Variants in CADM2 observed in about 807,000 individuals in gnomAD.
The protein encoded by CADM2 is immunoglobulin superfamily member 4D.
In CADM2, 12 loss-of-function variants were observed where a neutral mutation model predicts 49.8. The observed-to-expected ratio is 0.24, with a 90% CI of 0.15 to 0.39. CADM2 has a LOEUF of 0.39. Ranked by LOEUF, CADM2 falls within the 10% of genes least tolerant of loss-of-function variation. The probability of loss-of-function intolerance (pLI) is 1.00; values close to 1 mark genes in which losing one functional copy is unlikely to be tolerated. For missense variants in CADM2, 378 were observed against 492.3 expected (o/e 0.77, Z 2.20); for synonymous variants, 214 against 175.4 (o/e 1.22, Z -1.74).
chr3:85,102,598 A>G (rs1411664462), intron 1 of CADM2, among the ~76,000 whole-genome samples: 3 of 152,182 alleles, frequency 2.0e-5, no homozygotes, highest in African/African-American at 4.8e-5. Flanking sequence ...AATATTGAAG[A>G]TTTGAGAAAA....
chr3:85,473,142 T>A, intron 1 of CADM2, among the ~76,000 whole-genome samples: 1 of 152,108 alleles, frequency 6.6e-6, no homozygotes, highest in East Asian at 1.9e-4. Context: ...AATGTGTTAC[T>A]TTCCTTTGAA....
chr3:85,461,022 T>C (rs1365539648), intron 1 of CADM2, among the ~76,000 whole-genome samples: 1 of 152,196 alleles, frequency 6.6e-6, no homozygotes, highest in Non-Finnish European at 1.5e-5. Context: ...GTTTTTGTTC[T>C]ATTATTTTAA....
At chr3:85,215,475 T>C (rs2041902659) in intron 1 of CADM2, among the ~76,000 whole-genome samples, 1 of 151,614 alleles carries the variant, frequency 6.6e-6, no homozygotes, top group African/African-American at 2.4e-5. Flanking sequence ...CTTTTTACTC[T>C]CTCCTCTCCT....
At chr3:85,007,129 A>G (rs545855299) in intron 1 of CADM2, among the ~76,000 whole-genome samples, 1 of 152,280 alleles carries the variant, frequency 6.6e-6, no homozygotes, top group East Asian at 1.9e-4. Flanking sequence ...TAAAATATTA[A>G]GAAATAAGGA....
At chr3:86,059,180 G>A (rs1474505684) in intron 8 of CADM2, among the ~76,000 whole-genome samples, 1 of 151,334 alleles carries the variant, frequency 6.6e-6, no homozygotes, top group Non-Finnish European at 1.5e-5. Flanking sequence ...TAAAAGGCCA[G>A]AAATTCTTCA....
intron 1 of CADM2, among the ~76,000 whole-genome samples, chr3:85,173,253 G>A (rs896278499): frequency 4.6e-5 from 7 of 151,846 alleles, no homozygotes; most frequent in South Asian, 2.1e-4. Context: ...TGTGAGATAC[G>A]GAGGAGACAA....
At chr3:85,173,778 T>C (rs1318820129) in intron 1 of CADM2, among the ~76,000 whole-genome samples, 4 of 152,202 alleles carry the variant, frequency 2.6e-5, no homozygotes, top group African/African-American at 9.6e-5. Context: ...AAATGATTTC[T>C]TTCCAAATAA....
intron 1 of CADM2, among the ~76,000 whole-genome samples, chr3:85,182,768 T>G (rs1314277527): frequency 1.3e-5 from 2 of 152,124 alleles, no homozygotes; most frequent in African/African-American, 4.8e-5. Context: ...GAATTAAAAT[T>G]ATCAGTTGTC....
intron 1 of CADM2, among the ~76,000 whole-genome samples, chr3:85,159,399 C>T (rs1408449094): frequency 6.6e-6 from 1 of 150,448 alleles, no homozygotes; most frequent in African/African-American, 2.5e-5. Context: ...AGGTGATGGG[C>T]CAGGAAATTA....
chr3:85,066,819 C>T (rs914317038), intron 1 of CADM2, among the ~76,000 whole-genome samples: 1 of 152,172 alleles, frequency 6.6e-6, no homozygotes, highest in African/African-American at 2.4e-5. Context: ...TGTAAATACT[C>T]TGTAAACTTC....
intron 6 of CADM2, among the ~76,000 whole-genome samples, chr3:85,927,917 G>A (rs1222097881): frequency 6.6e-6 from 1 of 152,022 alleles, no homozygotes; most frequent in African/African-American, 2.4e-5. Context: ...GATAAATTTT[G>A]TTAAGCCAAT....
intron 1 of CADM2, among the ~76,000 whole-genome samples, chr3:85,347,506 T>C (rs1428193551): frequency 1.4e-5 from 2 of 145,950 alleles, no homozygotes; most frequent in Non-Finnish European, 3.0e-5. Flanking sequence ...TATATAAATA[T>C]ATATACACAC....
At chr3:85,263,545 T>G (rs1221429504) in intron 1 of CADM2, among the ~76,000 whole-genome samples, 1 of 152,170 alleles carries the variant, frequency 6.6e-6, no homozygotes, top group Non-Finnish European at 1.5e-5. Flanking sequence ...AATTGTATTT[T>G]GAGTTCACAT....
intron 3 of CADM2, among the ~76,000 whole-genome samples, chr3:85,860,100 A>G (rs1030977736): frequency 1.3e-5 from 2 of 152,174 alleles, no homozygotes; most frequent in African/African-American, 2.4e-5. Context: ...TCTATATATA[A>G]TTTATTTTGA....
intron 1 of CADM2, among the ~76,000 whole-genome samples, chr3:85,031,515 C>CATT (rs2034975249): frequency 6.6e-6 from 1 of 151,784 alleles, no homozygotes; most frequent in East Asian, 1.9e-4. Flanking sequence ...TTATTATTAT[C>CATT]ATTATTATTA....
chr3:85,264,058 T>C (rs1256433119), intron 1 of CADM2, among the ~76,000 whole-genome samples: 1 of 152,114 alleles, frequency 6.6e-6, no homozygotes, highest in Admixed American at 6.6e-5. Flanking sequence ...TTTCAGGTTC[T>C]CCGTTATCGT....
At chr3:85,977,625 A>G (rs1389713626) in intron 8 of CADM2, among the ~76,000 whole-genome samples, 3 of 151,628 alleles carry the variant, frequency 2.0e-5, no homozygotes, top group Non-Finnish European at 3.0e-5. Context: ...AGGAGTTATT[A>G]TAACAATTAG....
At chr3:85,379,290 ACTT>A (rs2033765668) in intron 1 of CADM2, among the ~76,000 whole-genome samples, 1 of 152,000 alleles carries the variant, frequency 6.6e-6, no homozygotes, top group African/African-American at 2.4e-5. Context: ...TGCATCCAAA[ACTT>A]CTTTTTAAAG....
chr3:85,798,975 G>A (rs1401597729), intron 2 of CADM2, among the ~76,000 whole-genome samples: 3 of 152,092 alleles, frequency 2.0e-5, no homozygotes, highest in African/African-American at 7.2e-5. Flanking sequence ...TCTCTTTGAA[G>A]AGGTCCTTCA....
Sources: gnomAD v4.1 joint callset for allele counts (sites outside exome capture counted in the v4.1 genomes callset) on GRCh38, gnomAD v4.1.1 for gene constraint, MANE v1.5 for transcripts, NCBI Gene and HGNC (gene_info 2026-07-23, HGNC 2026-07-21) for gene names.